The following DPP10 variants were observed in gnomAD, a reference collection of about 807,000 sequenced individuals.
The protein encoded by DPP10 is dipeptidyl peptidase like 10.
In DPP10, 33 loss-of-function variants were observed where a neutral mutation model predicts 120.9. The observed-to-expected ratio is 0.27, with a 90% confidence interval of 0.21 to 0.37. DPP10 has a LOEUF of 0.37. Among genes scored for constraint, DPP10 ranks in the 10% least tolerant of loss-of-function variants. The probability of loss-of-function intolerance (pLI) is 1.00; values close to 1 mark genes in which losing one functional copy is unlikely to be tolerated. For missense variants in DPP10, 816 were observed against 942.8 expected (o/e 0.87, Z 1.76); for synonymous variants, 337 against 326.1 (o/e 1.03, Z -0.36).
At chr2:115,471,412 C>A (rs999609903) in intron 3 of DPP10, among the ~76,000 whole-genome samples, 3 of 152,084 alleles carry the variant, frequency 2.0e-5, no homozygotes, top group Admixed American at 1.3e-4. Context: ...TATAGGAATA[C>A]CTAATTCCAC....
At chr2:114,872,929 G>A (rs1016053320) in intron 1 of DPP10, among the ~76,000 whole-genome samples, 15 of 152,156 alleles carry the variant, frequency 9.9e-5, no homozygotes, top group Non-Finnish European at 1.5e-5. Flanking sequence ...AGCCCACTTT[G>A]TATAATATGT....
chr2:115,296,140 A>G (rs1308083207), intron 1 of DPP10, among the ~76,000 whole-genome samples: 1 of 152,054 alleles, frequency 6.6e-6, no homozygotes, highest in African/African-American at 2.4e-5. Context: ...CTCTGGAGGC[A>G]GGGAGGAAAC....
intron 4 of DPP10, among the ~76,000 whole-genome samples, chr2:115,504,267 A>G (rs553284150): frequency 0.023 from 2,634 of 112,284 alleles, 40 homozygotes; most frequent in South Asian, 0.052. Flanking sequence ...TTATTTGGCT[A>G]TTGCCAACTT....
rs188109038 is a variant in DPP10, at chr2:114,879,508, C to T, written c.61-429731C>T. Among the ~76,000 whole-genome samples the T allele has an allele frequency of 1.4e-4, 22 of 152,200 alleles. No homozygotes were observed. The East Asian group carries it at 4.1e-3, about 28-fold the overall frequency. ...AAAATTAATATCTTTAAATTTGCAA[C>T]GTGCCTTTTCTTTCACTGCAAAAGC... On this transcript the variant is annotated intron_variant, in intron 1 of 25. Transcript: ENST00000410059.
At chr2:114,582,688 G>T (rs1024856639) in intron 1 of DPP10, among the ~76,000 whole-genome samples, 3 of 152,222 alleles carry the variant, frequency 2.0e-5, no homozygotes, top group Middle Eastern at 3.4e-3. Flanking sequence ...CGTTGATGAC[G>T]TATGATGTAG....
At chr2:115,829,832 A>G (rs1245805229) in intron 21 of DPP10, among the ~76,000 whole-genome samples, 4 of 152,100 alleles carry the variant, frequency 2.6e-5, no homozygotes, top group Non-Finnish European at 4.4e-5. Flanking sequence ...GATAATGGAA[A>G]GGTTATGATA....
intron 1 of DPP10, among the ~76,000 whole-genome samples, chr2:114,480,453 A>G (rs1680924360): frequency 6.6e-6 from 1 of 152,128 alleles, no homozygotes; most frequent in African/African-American, 2.4e-5. Flanking sequence ...CTTGGAACCG[A>G]CCCAAATGTC....
chr2:115,030,576 G>A lies in DPP10; in HGVS notation c.61-278663G>A, dbSNP rs535647117. On this transcript the variant is annotated intron_variant, in intron 1 of 25. Coordinates refer to ENST00000410059, the MANE Select transcript of DPP10 (RefSeq NM_020868.6). ...TGGTGGTTTGCTGCATAGATCATCC[G>A]ATCACCTAGGTATTAAGCCCAGGAT... Among the ~76,000 whole-genome samples the A allele has an allele frequency of 5.9e-5, 9 of 152,154 alleles. No individual in the cohort carries two copies. The East Asian group carries it at 1.2e-3, about 20-fold the overall frequency.
intron 1 of DPP10, among the ~76,000 whole-genome samples, chr2:115,206,713 A>T (rs1278553472): frequency 2.6e-5 from 4 of 152,160 alleles, no homozygotes; most frequent in Non-Finnish European, 5.9e-5. Context: ...TATTCCATTT[A>T]GCTTGGTTTA....
At chr2:115,302,675 C>T (rs2061192899) in intron 1 of DPP10, among the ~76,000 whole-genome samples, 1 of 152,024 alleles carries the variant, frequency 6.6e-6, no homozygotes, top group Non-Finnish European at 1.5e-5. Context: ...ACTTGCTTGG[C>T]ATTTCTAACA....
At chr2:114,834,651 T>C (rs1687505383) in intron 1 of DPP10, among the ~76,000 whole-genome samples, 1 of 129,716 alleles carries the variant, frequency 7.7e-6, no homozygotes, top group African/African-American at 3.3e-5. Flanking sequence ...TCTACACACC[T>C]ATGTATATAT....
At chr2:115,161,841 T>G in intron 1 of DPP10, 81 of 760,086 alleles carry the variant, frequency 1.1e-4, no homozygotes, top group Non-Finnish European at 1.2e-4. Context: ...CCCCACCCCG[T>G]CCCTTCCGCC....
intron 1 of DPP10, among the ~76,000 whole-genome samples, chr2:114,477,003 G>A (rs945638135): frequency 6.6e-6 from 1 of 151,682 alleles, no homozygotes; most frequent in Admixed American, 6.6e-5. Flanking sequence ...CTGTTGCCCA[G>A]GCTGGAGTGC....
chr2:115,517,980 A>G (rs532964420), intron 4 of DPP10, among the ~76,000 whole-genome samples: 45 of 152,316 alleles, frequency 3.0e-4, no homozygotes, highest in South Asian at 2.1e-3. Context: ...TGCTTTATTC[A>G]TAGTGGAAGG....
intron 1 of DPP10, among the ~76,000 whole-genome samples, chr2:114,830,552 T>C (rs1558785632): frequency 6.6e-6 from 1 of 152,172 alleles, no homozygotes; most frequent in Non-Finnish European, 1.5e-5. Context: ...ATGTGCCTTC[T>C]CCCCTCCCCG....
intron 1 of DPP10, among the ~76,000 whole-genome samples, chr2:115,285,381 G>C (rs746978960): frequency 1.6e-4 from 25 of 152,008 alleles, no homozygotes; most frequent in Non-Finnish European, 3.2e-4. Context: ...AATAATGAAC[G>C]TAAAATAGGG....
chr2:115,292,303 A>T (rs1049931191), intron 1 of DPP10, among the ~76,000 whole-genome samples: 8 of 152,130 alleles, frequency 5.3e-5, no homozygotes, highest in African/African-American at 1.4e-4. Flanking sequence ...TTTATTTATA[A>T]TGCATAGTCT....
At chr2:114,580,717 ATC>A (rs1205839466) in intron 1 of DPP10, among the ~76,000 whole-genome samples, 2 of 143,552 alleles carry the variant, frequency 1.4e-5, no homozygotes, top group Non-Finnish European at 3.0e-5. Context: ...ATCATATCAC[ATC>A]TGTTTTTTTT....
chr2:115,309,428 G>A, intron 2 of DPP10, 75 bp downstream of exon 2: 1 of 1,422,144 alleles, frequency 7.0e-7, no homozygotes, highest in Non-Finnish European at 9.8e-7. Context: ...GCCTTAAGAG[G>A]GTAGCAATAT....
Sources: allele counts gnomAD v4.1 joint callset (sites outside exome capture counted in the v4.1 genomes callset), GRCh38; gene constraint gnomAD v4.1.1; transcripts MANE v1.5; gene names NCBI Gene and HGNC (gene_info 2026-07-23, HGNC 2026-07-21).